Variants in SCFD2 observed in about 807,000 individuals in gnomAD.
SCFD2 encodes sec1 family domain-containing protein 2.
In SCFD2, 54 loss-of-function variants were observed where a neutral mutation model predicts 58.9. That is an observed-to-expected ratio of 0.92 (90% CI 0.74 to 1.15). SCFD2 has a LOEUF of 1.15. Among genes scored for constraint, SCFD2 ranks in the 50% most tolerant of loss-of-function variants. The pLI is 0.00. For synonymous variants in SCFD2, 321 were observed against 335.9 expected, an observed-to-expected ratio of 0.96 and a Z score of 0.49; for missense variants, 805 against 836.6, an observed-to-expected ratio of 0.96 and a Z score of 0.47.
chr4:53,046,360 C>T (rs938881002), intron 5 of SCFD2, among the ~76,000 whole-genome samples: 6 of 151,976 alleles, frequency 3.9e-5, no homozygotes, highest in Non-Finnish European at 5.9e-5. Context: ...ACTACAGGTG[C>T]GTGCCACCAC....
At chr4:53,056,885 A>G (rs1560316641) in intron 5 of SCFD2, among the ~76,000 whole-genome samples, 1 of 152,238 alleles carries the variant, frequency 6.6e-6, no homozygotes, top group East Asian at 1.9e-4. Flanking sequence ...AAGTCTGACA[A>G]AGACAAAAAT....
chr4:52,970,960 A>T (rs1721084703), intron 5 of SCFD2, among the ~76,000 whole-genome samples: 1 of 152,182 alleles, frequency 6.6e-6, no homozygotes, highest in Admixed American at 6.5e-5. Context: ...GAGGGTCCTG[A>T]CTGTTAGAAG....
chr4:53,215,306 G>C (rs1728781963), intron 4 of SCFD2, among the ~76,000 whole-genome samples: 1 of 152,084 alleles, frequency 6.6e-6, no homozygotes, highest in East Asian at 1.9e-4. Context: ...TCTTCCATTT[G>C]TTTGTATCCT....
At chr4:53,036,565 C>T (rs192232964) in intron 5 of SCFD2, among the ~76,000 whole-genome samples, 1 of 151,766 alleles carries the variant, frequency 6.6e-6, no homozygotes, top group Non-Finnish European at 1.5e-5. Context: ...AAGCTGGAAA[C>T]CATCATTCTC....
chr4:53,250,685 T>C (rs961425885), intron 4 of SCFD2, among the ~76,000 whole-genome samples: 2 of 152,232 alleles, frequency 1.3e-5, no homozygotes, highest in African/African-American at 4.8e-5. Flanking sequence ...AAAGATGTTC[T>C]TTGAAACCAA....
intron 3 of SCFD2, among the ~76,000 whole-genome samples, chr4:53,311,326 T>C (rs1732683046): frequency 6.6e-6 from 1 of 152,144 alleles, no homozygotes; most frequent in South Asian, 2.1e-4. Context: ...CCCCAGCCCC[T>C]ATCTAGAGTT....
intron 5 of SCFD2, among the ~76,000 whole-genome samples, chr4:53,129,920 A>G (rs1418092233): frequency 6.6e-6 from 1 of 152,156 alleles, no homozygotes; most frequent in Non-Finnish European, 1.5e-5. Flanking sequence ...CAGGCTTTCT[A>G]TTTACCAAAT....
chr4:53,035,056 G>A (rs1489518757), intron 5 of SCFD2, among the ~76,000 whole-genome samples: 3 of 152,208 alleles, frequency 2.0e-5, no homozygotes, highest in East Asian at 1.9e-4. Context: ...GAGGCATCAC[G>A]CTACCTGACT....
chr4:53,292,090 A>G (rs1305691069), intron 3 of SCFD2, among the ~76,000 whole-genome samples: 1 of 152,148 alleles, frequency 6.6e-6, no homozygotes, highest in Non-Finnish European at 1.5e-5. Context: ...CAAAACTATA[A>G]AAACCCTAGA....
At chr4:52,880,539 C>T (rs1718584232) in intron 8 of SCFD2, among the ~76,000 whole-genome samples, 1 of 147,958 alleles carries the variant, frequency 6.8e-6, no homozygotes, top group Non-Finnish European at 1.5e-5. Context: ...ATCACTTGAA[C>T]GTGGGAGGTG....
chr4:53,257,809 CTCTT>C (rs1452749964), intron 4 of SCFD2, among the ~76,000 whole-genome samples: 2 of 151,776 alleles, frequency 1.3e-5, no homozygotes, highest in Admixed American at 6.6e-5. Context: ...ATTTAAAAAT[CTCTT>C]TATGTCTGGA....
At chr4:53,181,179 C>G (rs1397527958) in intron 4 of SCFD2, among the ~76,000 whole-genome samples, 3 of 152,104 alleles carry the variant, frequency 2.0e-5, no homozygotes, top group African/African-American at 4.8e-5. Context: ...ATCCTGATAC[C>G]AAAGCCTGGC....
chr4:53,214,074 A>G (rs1326513991), intron 4 of SCFD2, among the ~76,000 whole-genome samples: 7 of 152,006 alleles, frequency 4.6e-5, no homozygotes, highest in Non-Finnish European at 8.8e-5. Flanking sequence ...ATTTCGGTTG[A>G]TTTCAAGTCT....
chr4:53,319,058 AT>A (rs1264298064), intron 2 of SCFD2, among the ~76,000 whole-genome samples: 1 of 152,220 alleles, frequency 6.6e-6, no homozygotes, highest in African/African-American at 2.4e-5. Flanking sequence ...TATGCAAATC[AT>A]CAAAGAGAAT....
intron 5 of SCFD2, among the ~76,000 whole-genome samples, chr4:52,939,690 G>A (rs1720240260): frequency 6.6e-6 from 1 of 151,448 alleles, no homozygotes; most frequent in Non-Finnish European, 1.5e-5. Flanking sequence ...GTAAGGATGG[G>A]TTTGGACTTA....
chr4:53,352,962 T>G (rs1179545034), intron 1 of SCFD2, among the ~76,000 whole-genome samples, 196 bp from the exon 2 acceptor site: 1 of 152,198 alleles, frequency 6.6e-6, no homozygotes, highest in Non-Finnish European at 1.5e-5. Flanking sequence ...AGGTTGTAAT[T>G]AAGGCTCCAT....
intron 4 of SCFD2, among the ~76,000 whole-genome samples, chr4:53,225,626 C>T (rs1372996143): frequency 2.0e-5 from 3 of 152,110 alleles, no homozygotes; most frequent in African/African-American, 4.8e-5. Flanking sequence ...TATGTTATTG[C>T]CAAAGGGCGA....
At chr4:53,153,373 T>C (rs570762568) in intron 4 of SCFD2, among the ~76,000 whole-genome samples, 15 of 152,352 alleles carry the variant, frequency 9.8e-5, no homozygotes, top group South Asian at 6.2e-4. Context: ...CCAAGGTTTA[T>C]GGATTGTGCC....
At chr4:52,958,818 G>C (rs764064968) in intron 5 of SCFD2, among the ~76,000 whole-genome samples, 2 of 151,938 alleles carry the variant, frequency 1.3e-5, no homozygotes, top group Admixed American at 1.3e-4. Context: ...AGCTCTACAG[G>C]TAAATACGTT....
Sources: allele counts gnomAD v4.1 joint callset (sites outside exome capture counted in the v4.1 genomes callset), GRCh38; gene constraint gnomAD v4.1.1; transcripts MANE v1.5; gene names NCBI Gene and HGNC (gene_info 2026-07-23, HGNC 2026-07-21).